SLC1A1: variants seen among roughly 807,000 people sequenced by gnomAD.
SLC1A1 encodes the protein solute carrier family 1 member 1, also known as excitatory amino acid transporter 3.
In SLC1A1, 43 loss-of-function variants were observed where a neutral mutation model predicts 53.3. The ratio of observed to expected loss-of-function variants is 0.81; its 90% CI spans 0.63 to 1.04. SLC1A1 has a LOEUF of 1.04. Ranked by LOEUF, SLC1A1 falls within the 50% of genes least tolerant of loss-of-function variation. The probability of loss-of-function intolerance (pLI) is 0.00; values close to 1 mark genes in which losing one functional copy is unlikely to be tolerated. For missense variants in SLC1A1, 748 were observed against 664.9 expected (o/e 1.12, Z -1.37); for synonymous variants, 307 against 243.2 (o/e 1.26, Z -2.44).
chr9:4,547,285 G>C (rs1192345499), intron 2 of SLC1A1, among the ~76,000 whole-genome samples: 2 of 152,150 alleles, frequency 1.3e-5, no homozygotes, highest in African/African-American at 4.8e-5. Flanking sequence ...GCATTCCACT[G>C]ACATAGCCCA....
rs140029812 is a variant in SLC1A1, at chr9:4,501,764, CCAAAACAAAA to C, written c.91+11014_91+11023del. On this transcript the variant is annotated intron_variant, in intron 1 of 11. Coordinates refer to ENST00000262352, the MANE Select transcript of SLC1A1 (RefSeq NM_004170.6). ...GGGCAATGAGAGCTAAACTCCATCT[CCAAAACAAAA>C]CAAAACAAAACAAAACAAAGAAAAC... 2.0e-3 allele frequency among the ~76,000 whole-genome samples: 306 copies of C among 150,966 alleles called. 7 individuals are homozygous for C. The highest frequency in any genetic ancestry group is 6.9e-3 in the Middle Eastern group (2 of 290).
chr9:4,494,551 A>G (rs1820347071), intron 1 of SLC1A1, among the ~76,000 whole-genome samples: 2 of 152,082 alleles, frequency 1.3e-5, no homozygotes, highest in South Asian at 2.1e-4. Flanking sequence ...CTGTCCCTGT[A>G]GTATTATTCA....
chr9:4,535,144 G>A (rs1160264127), intron 1 of SLC1A1, among the ~76,000 whole-genome samples: 1 of 152,126 alleles, frequency 6.6e-6, no homozygotes, highest in East Asian at 1.9e-4. Flanking sequence ...TTGAAAATTG[G>A]CACAAGACAG....
chr9:4,524,636 G>A (rs1239395484), intron 1 of SLC1A1, among the ~76,000 whole-genome samples: 3 of 152,132 alleles, frequency 2.0e-5, no homozygotes, highest in South Asian at 2.1e-4. Flanking sequence ...CCTGGCTTCT[G>A]GTGAAGACTT....
chr9:4,546,662 C>G (rs887040882), intron 2 of SLC1A1, among the ~76,000 whole-genome samples: 3 of 152,156 alleles, frequency 2.0e-5, no homozygotes, highest in African/African-American at 7.2e-5. Context: ...ATCAAAGATT[C>G]TTTAAAAAAA....
intron 11 of SLC1A1, among the ~76,000 whole-genome samples, chr9:4,584,076 T>C (rs902062315): frequency 6.6e-6 from 1 of 152,328 alleles, no homozygotes; most frequent in Non-Finnish European, 1.5e-5. Flanking sequence ...CAGGTAAGTA[T>C]TGCTCCACAT....
In SLC1A1 at chr9:4,583,093, G is replaced by A. The variant is rs550158818; in HGVS notation, c.1249G>A (p.Val417Met). 1.2e-6 allele frequency: 2 copies of A among 1,614,244 alleles called. No individual in the cohort carries two copies. The highest frequency in any genetic ancestry group is 1.1e-5 in the South Asian group (1 of 91,086). Residue 417 changes from valine (V) to methionine (M), a missense_variant, in exon 11 of 12, where the codon GTG becomes ATG. Coordinates refer to ENST00000262352, the MANE Select transcript of SLC1A1 (RefSeq NM_004170.6). The surrounding 1 kb of genome is among the most constrained non-coding windows in gnomAD (Gnocchi z 4.6). ...GAAGVPQAGLVTMVIVLSAVG... is the reference protein window; with the variant it reads ...GAAGVPQAGLMTMVIVLSAVG... ...TGCTGGCGTGCCCCAGGCTGGCCTG[G>A]TGACCATGGTGATTGTGCTGAGTGC...
intron 2 of SLC1A1, 148 bp downstream of exon 2, chr9:4,544,855 AT>A (rs2130879212): frequency 1.6e-5 from 12 of 728,956 alleles, no homozygotes; most frequent in South Asian, 1.6e-4. Context: ...ACTCACAATC[AT>A]GGCGGAAGGC....
At chr9:4,522,897 G>C (rs149636249) in intron 1 of SLC1A1, among the ~76,000 whole-genome samples, 33 of 152,276 alleles carry the variant, frequency 2.2e-4, no homozygotes, top group African/African-American at 7.2e-4. Flanking sequence ...GATGAGATTT[G>C]GGTGGGGACA....
At chr9:4,494,768 C>T (rs1335554517) in intron 1 of SLC1A1, among the ~76,000 whole-genome samples, 1 of 152,000 alleles carries the variant, frequency 6.6e-6, no homozygotes, top group Non-Finnish European at 1.5e-5. Context: ...CCTTCTAATG[C>T]GGGTCATCCA....
chr9:4,563,496 TCCTC>T, intron 3 of SLC1A1, among the ~76,000 whole-genome samples: 1 of 152,176 alleles, frequency 6.6e-6, no homozygotes, highest in East Asian at 1.9e-4. Context: ...GCCCAGGAGT[TCCTC>T]CCATTAGCAA....
At chr9:4,527,735 A>AGTTTTGAGACCATTTTCTTACC (rs1181746174) in intron 1 of SLC1A1, among the ~76,000 whole-genome samples, 2 of 152,076 alleles carry the variant, frequency 1.3e-5, no homozygotes, top group African/African-American at 4.8e-5. Flanking sequence ...ATGGAGTTTG[A>AGTTTTGAGACCATTTTCTTACC]GTTTTGAGAC....
chr9:4,551,252 G>A (rs1411070663), intron 2 of SLC1A1, among the ~76,000 whole-genome samples: 1 of 152,032 alleles, frequency 6.6e-6, no homozygotes, highest in Non-Finnish European at 1.5e-5. Flanking sequence ...TTACTCAGAG[G>A]CAGCTGTGTA....
At chr9:4,578,797 A>T (rs904866150) in intron 10 of SLC1A1, among the ~76,000 whole-genome samples, 5 of 152,196 alleles carry the variant, frequency 3.3e-5, no homozygotes, top group African/African-American at 1.2e-4. Flanking sequence ...ACAGACACAG[A>T]ATAGTTTCAT....
At chr9:4,521,217 A>G (rs1027209734) in intron 1 of SLC1A1, among the ~76,000 whole-genome samples, 10 of 152,238 alleles carry the variant, frequency 6.6e-5, no homozygotes, top group African/African-American at 2.4e-4. Flanking sequence ...TAAATTGCAA[A>G]GCAACATTTT....
intron 1 of SLC1A1, among the ~76,000 whole-genome samples, chr9:4,492,002 G>C (rs576260578): frequency 6.6e-6 from 1 of 152,278 alleles, no homozygotes; most frequent in East Asian, 1.9e-4. Flanking sequence ...GGATTCTCCA[G>C]AACCTTGGGG....
At chr9:4,496,922 G>A (rs1268301037) in intron 1 of SLC1A1, among the ~76,000 whole-genome samples, 2 of 152,030 alleles carry the variant, frequency 1.3e-5, no homozygotes, top group Non-Finnish European at 2.9e-5. Flanking sequence ...AATAAATGCA[G>A]AAGAGAGAGA....
chr9:4,576,776 G>A lies in SLC1A1; in HGVS notation c.1193+13G>A, dbSNP rs1479944352. 2 of 1,610,990 alleles carry A rather than the reference G, an allele frequency of 1.2e-6. No homozygotes were observed. Among genetic ancestry groups the A allele is most frequent in the Non-Finnish European group, 1.7e-6 (2 of 1,177,798 alleles). On this transcript the variant is annotated intron_variant, in intron 10 of 11. Transcript: ENST00000262352. ...TCATCACCATCAGGTGGGGCATGGT[G>A]TCACATTCATTGTCATCACTGATAC...
intron 1 of SLC1A1, among the ~76,000 whole-genome samples, chr9:4,513,258 C>G (rs893834141): frequency 2.6e-5 from 4 of 152,052 alleles, no homozygotes; most frequent in African/African-American, 9.7e-5. Flanking sequence ...AGAGAATGAA[C>G]AAACAAGCTA....
Sources: allele counts gnomAD v4.1 joint callset (sites outside exome capture counted in the v4.1 genomes callset), GRCh38; gene constraint gnomAD v4.1.1; non-coding constraint Gnocchi (gnomAD v3.1); transcripts MANE v1.5; gene names NCBI Gene and HGNC (gene_info 2026-07-23, HGNC 2026-07-21).